Variants in ZNF160 observed in about 807,000 individuals in gnomAD.
The protein encoded by ZNF160 is KRAB zinc finger protein KR18.
Under a neutral mutation model 13.1 loss-of-function variants are expected in ZNF160, and 9 were observed. The ratio of observed to expected loss-of-function variants is 0.69; its 90% CI spans 0.41 to 1.20. The LOEUF (loss-of-function observed/expected upper bound fraction) is 1.20, where lower values mean the gene tolerates loss of function less well. Ranked by LOEUF, ZNF160 falls within the 50% of genes most tolerant of loss-of-function variation. The pLI is 0.01. For synonymous variants in ZNF160, 293 were observed against 333.2 expected (o/e 0.88, Z 1.31); for missense variants, 838 against 988.0 (o/e 0.85, Z 2.04).
At position 53,067,132 on chromosome 19, in the gene ZNF160, A is replaced by G. The variant is rs1047449593; in HGVS notation, c.*945T>C. On this transcript the variant is annotated 3_prime_UTR_variant, in exon 6 of 6. Coordinates refer to ENST00000683776, the MANE Select transcript of ZNF160 (RefSeq NM_001322131.2). ...AATTTTTCATCACTCTTTGCTAAAC[A>G]ACAGGTATTGCTCTTTGATGCATAA... The G allele has an allele frequency of 6.6e-6, 1 of 152,164 alleles. No homozygotes were observed. The highest frequency in any genetic ancestry group is 1.5e-5 in the Non-Finnish European group (1 of 68,052). 9.4% of individuals were successfully genotyped at this position (152,164 alleles called of 1,614,324 possible).
At chr19:53,088,723 C>T (rs2084932447) in intron 2 of ZNF160, among the ~76,000 whole-genome samples, 1 of 152,128 alleles carries the variant, frequency 6.6e-6, no homozygotes, top group Non-Finnish European at 1.5e-5. Flanking sequence ...TCATACTACT[C>T]TGACACTCTA....
At chr19:53,091,979 T>C (rs2085052302) in intron 1 of ZNF160, among the ~76,000 whole-genome samples, 1 of 152,210 alleles carries the variant, frequency 6.6e-6, no homozygotes, top group Non-Finnish European at 1.5e-5. Flanking sequence ...TAGAAATAAA[T>C]TCCATTGTTC....
chr19:53,074,950 G>T, intron 4 of ZNF160, 107 bp downstream of exon 4: 1 of 1,456,450 alleles, frequency 6.9e-7, no homozygotes, highest in Admixed American at 1.7e-5. Flanking sequence ...GAGTCAACAG[G>T]ACTTCAATCT....
chr19:53,070,183 C>T lies in ZNF160; in HGVS notation c.351G>A (p.Val117=), dbSNP rs1266829450. 3.1e-6 allele frequency: 5 copies of T among 1,614,018 alleles called. No individual in the cohort carries two copies. The South Asian group carries it at 3.3e-5, about 11-fold the overall frequency. The change falls in exon 6 of 6, where the codon GTG becomes GTA. Residue 117 remains valine, a synonymous_variant. Transcript: ENST00000683776. ...SSTEAVFHTV[V]LERHESPDIE... ...TGTCAGGGCTTTCGTGTCTTTCCAACACCACTGTGTGGAATACTGCTTCTG... is the reference window on the plus strand; with the variant it reads ...TGTCAGGGCTTTCGTGTCTTTCCAATACCACTGTGTGGAATACTGCTTCTG...
intron 1 of ZNF160, among the ~76,000 whole-genome samples, chr19:53,097,807 T>C (rs2085292183): frequency 6.6e-6 from 1 of 152,184 alleles, no homozygotes; most frequent in African/African-American, 2.4e-5. Flanking sequence ...ATCTTTCCTC[T>C]ATGGGTTTCA....
In ZNF160 at chr19:53,083,152, G is replaced by A. The variant is rs2084697386; in HGVS notation, c.15+3110C>T. Among the ~76,000 whole-genome samples, 3 of 152,294 alleles carry A rather than the reference G, an allele frequency of 2.0e-5. No individual in the cohort carries two copies. The South Asian group carries it at 6.2e-4, about 32-fold the overall frequency. On this transcript the variant is annotated intron_variant, in intron 3 of 5. Coordinates refer to ENST00000683776, the MANE Select transcript of ZNF160 (RefSeq NM_001322131.2). Reference sequence around the variant, plus strand: ...AGCTCTCTGAACCATGTGCTTTTGTGTTTTCATAGAAACTTCATGAAGTAG... The same window carrying A: ...AGCTCTCTGAACCATGTGCTTTTGTATTTTCATAGAAACTTCATGAAGTAG...
intron 3 of ZNF160, among the ~76,000 whole-genome samples, chr19:53,084,161 A>C (rs2084741571): frequency 6.6e-6 from 1 of 152,166 alleles, no homozygotes; most frequent in African/African-American, 2.4e-5. Context: ...GGAGAGTTTC[A>C]GCCACTTTTA....
At chr19:53,072,258 T>C (rs329736) in intron 5 of ZNF160, among the ~76,000 whole-genome samples, 152,199 of 152,210 alleles carry the variant, frequency 1, 76,094 homozygotes, top group Middle Eastern at 1. Context: ...TGTGCCATCA[T>C]GCCTGGCTAA....
intron 5 of ZNF160, 139 bp downstream of exon 5, chr19:53,074,001 G>C: frequency 1.3e-6 from 1 of 762,956 alleles, no homozygotes. Context: ...TGTTGGTCAG[G>C]CTGGTCTCGA....
Position 53,070,202 on chromosome 19 carries a change from G to A in ZNF160, c.332C>T (p.Ala111Val), listed in dbSNP as rs182201831. The stretch of plus-strand genomic sequence containing the variant: ...TTCCAACACCACTGTGTGGAATACT[G>A]CTTCTGTACTGCTCTTCTCTTTTGG... ...LLPKEKSSTE[A>V]VFHTVVLERH... Residue 111 changes from alanine (A) to valine (V), a missense_variant, in exon 6 of 6, where the codon GCA becomes GTA. By Grantham distance (64) the Ala-to-Val change is moderately conservative. This residue lies in a region of ZNF160 where 387 missense variants were observed against 402.3 expected (regional missense o/e 0.96). Coordinates refer to ENST00000683776, the MANE Select transcript of ZNF160 (RefSeq NM_001322131.2). 1.9e-6 allele frequency: 3 copies of A among 1,613,390 alleles called. No homozygotes were observed. Among genetic ancestry groups the A allele is most frequent in the East Asian group, 2.2e-5 (1 of 44,888 alleles).
intron 1 of ZNF160, among the ~76,000 whole-genome samples, chr19:53,092,681 T>C (rs991229255): frequency 6.6e-5 from 10 of 152,220 alleles, no homozygotes; most frequent in African/African-American, 2.4e-4. Flanking sequence ...TGGCATCGTA[T>C]CTACTAGCAA....
chr19:53,092,233 TC>T (rs1256752706), intron 1 of ZNF160, among the ~76,000 whole-genome samples: 8 of 152,188 alleles, frequency 5.3e-5, no homozygotes, highest in African/African-American at 1.7e-4. Context: ...GCCTGTAAAA[TC>T]ATCTTCAGAA....
intron 1 of ZNF160, among the ~76,000 whole-genome samples, chr19:53,099,109 C>G (rs1040250775): frequency 6.6e-6 from 1 of 150,670 alleles, no homozygotes; most frequent in Non-Finnish European, 1.5e-5. Flanking sequence ...ACACAAAACA[C>G]TCAAAATAAT....
Position 53,070,108 on chromosome 19 carries a change from C to A in ZNF160, c.426G>T (p.Glu142Asp), listed in dbSNP as rs746437699. 1 of 1,614,142 alleles carries A rather than the reference C, an allele frequency of 6.2e-7. No homozygotes were observed. Among genetic ancestry groups the A allele is most frequent in the African/African-American group, 1.3e-5 (1 of 75,052 alleles). ...KEPQKNVHDF[E>D]CQWRDDTGNY... ...TTCCTGTGTCATCTCTCCATTGACA[C>A]TCAAAATCATGCACATTTTTCTGGG... is the stretch of plus-strand genomic sequence containing the variant. Residue 142 changes from glutamate to aspartate, a missense_variant, in exon 6 of 6, where the codon GAG becomes GAT. Glu to Asp is a conservative substitution (Grantham distance 45). Around this residue, in one of 3 missense-constraint regions of ZNF160, gnomAD observed 387 missense variants for 402.3 expected, o/e 0.96. Coordinates refer to ENST00000683776, the MANE Select transcript of ZNF160 (RefSeq NM_001322131.2).
At chr19:53,090,773 G>C (rs568320366) in intron 2 of ZNF160, among the ~76,000 whole-genome samples, 1 of 152,330 alleles carries the variant, frequency 6.6e-6, no homozygotes, top group African/African-American at 2.4e-5. Flanking sequence ...TCTTGCACCG[G>C]AGCTGCGGTG....
rs568622088 is a variant in ZNF160 at position 53,068,616 on chromosome 19, G to A, written c.1918C>T (p.Arg640Trp). ...GGTTTCTCTCCAGTATGAATTCGCC[G>A]ATGAGTTGCAAGGTATGAATTGTGC... Reference protein sequence around the residue: ...FRHNSYLATHRRIHTGEKPYK... With the variant: ...FRHNSYLATHWRIHTGEKPYK... Residue 640 changes from arginine (R) to tryptophan (W), a missense_variant, in exon 6 of 6, where the codon CGG (arginine) becomes TGG (tryptophan). Arg to Trp is a moderately radical substitution (Grantham distance 101). Coordinates refer to ENST00000683776, the MANE Select transcript of ZNF160 (RefSeq NM_001322131.2). 28 of 1,613,866 alleles carry A rather than the reference G, an allele frequency of 1.7e-5. No homozygotes were observed. Among genetic ancestry groups the A allele is most frequent in the African/African-American group, 2.7e-5 (2 of 74,956 alleles).
chr19:53,073,913 G>C (rs545216594), intron 5 of ZNF160, among the ~76,000 whole-genome samples: 1 of 152,218 alleles, frequency 6.6e-6, no homozygotes, highest in East Asian at 1.9e-4. Flanking sequence ...AGCCTCCTGA[G>C]TAGCTGGGAC....
chr19:53,091,033 T>C (rs2085015040), intron 2 of ZNF160: 1 of 152,090 alleles, frequency 6.6e-6, no homozygotes, highest in Admixed American at 6.5e-5. Flanking sequence ...GAAAGAGCCA[T>C]GAGGGGATAC....
Position 53,069,818 on chromosome 19 carries a change from T to C in ZNF160, c.716A>G (p.Asn239Ser). 1 of 1,614,162 alleles carries C rather than the reference T, an allele frequency of 6.2e-7. No homozygotes were observed. Among genetic ancestry groups the C allele is most frequent in the Non-Finnish European group, 8.5e-7 (1 of 1,180,028 alleles). The change falls in exon 6 of 6, where the codon AAC becomes AGC. Residue 239 changes from asparagine (N) to serine (S), a missense_variant. Transcript: ENST00000683776. The surrounding 1 kb of genome is among the most constrained non-coding windows in gnomAD (Gnocchi z 4.4). ...THRSKKYHEL[N>S]HFSLLTQRRK... ...TCTTTGTGTGAGTAATGAAAAATGG[T>C]TAAGTTCATGATATTTTTTAGACCT...
Sources: gnomAD v4.1 joint callset for allele counts (sites outside exome capture counted in the v4.1 genomes callset) on GRCh38, gnomAD v4.1.1 for gene constraint, gnomAD v4.1.1 regional missense constraint, Gnocchi (gnomAD v3.1) non-coding constraint, MANE v1.5 for transcripts, NCBI Gene and HGNC (gene_info 2026-07-23, HGNC 2026-07-21) for gene names.